The following FOXP1 variants were observed in gnomAD, a reference collection of about 807,000 sequenced individuals.
The protein encoded by FOXP1 is forkhead box protein P1.
Under a neutral mutation model 98.2 loss-of-function variants are expected in FOXP1, and 15 were observed. That is an observed-to-expected ratio of 0.15 (90% CI 0.10 to 0.24). The LOEUF (loss-of-function observed/expected upper bound fraction) is 0.24, where lower values mean the gene tolerates loss of function less well. Among genes scored for constraint, FOXP1 ranks in the 10% least tolerant of loss-of-function variants. FOXP1 has a pLI of 1.00. For synonymous variants in FOXP1, 371 were observed against 314.5 expected (o/e 1.18, Z -1.90); for missense variants, 633 against 848.5 (o/e 0.75, Z 3.15).
intron 5 of FOXP1, among the ~76,000 whole-genome samples, chr3:71,201,178 G>T (rs755729916): frequency 6.6e-6 from 1 of 152,040 alleles, no homozygotes; most frequent in Non-Finnish European, 1.5e-5. Context: ...AGAGTAAAGC[G>T]TCTATCAAAA....
At chr3:71,348,067 A>C (rs2077485373) in intron 4 of FOXP1, among the ~76,000 whole-genome samples, 1 of 152,178 alleles carries the variant, frequency 6.6e-6, no homozygotes, top group Non-Finnish European at 1.5e-5. Context: ...ATGATAACAA[A>C]TAACATAGGA....
chr3:71,188,458 A>C (rs1251218759), intron 6 of FOXP1, among the ~76,000 whole-genome samples: 2 of 146,286 alleles, frequency 1.4e-5, no homozygotes, highest in Admixed American at 7.1e-5. Flanking sequence ...CTTGTAGCCC[A>C]GGCTGGAGTG....
At chr3:71,223,152 T>A (rs577040463) in intron 5 of FOXP1, among the ~76,000 whole-genome samples, 2 of 152,174 alleles carry the variant, frequency 1.3e-5, no homozygotes, top group Admixed American at 6.5e-5. Context: ...AGCTCCCCCA[T>A]TCTAAAAAGA....
chr3:71,142,842 C>G (rs1004743433), intron 6 of FOXP1, among the ~76,000 whole-genome samples: 4 of 152,142 alleles, frequency 2.6e-5, no homozygotes, highest in Non-Finnish European at 4.4e-5. Context: ...AAAACTAACA[C>G]ACGCAGAAAA....
At chr3:71,453,400 T>C (rs1382734859) in intron 3 of FOXP1, among the ~76,000 whole-genome samples, 1 of 152,164 alleles carries the variant, frequency 6.6e-6, no homozygotes, top group Non-Finnish European at 1.5e-5. Flanking sequence ...GAATGATATA[T>C]GCACATGAAT....
chr3:71,073,285 A>G (rs954135216), intron 7 of FOXP1, among the ~76,000 whole-genome samples: 2 of 152,158 alleles, frequency 1.3e-5, no homozygotes, highest in South Asian at 4.1e-4. Context: ...CACCCATCCC[A>G]CTGGGCTACT....
chr3:71,458,786 G>A (rs536523748), intron 3 of FOXP1, among the ~76,000 whole-genome samples: 64 of 152,212 alleles, frequency 4.2e-4, no homozygotes, highest in Middle Eastern at 3.4e-3. Flanking sequence ...AATTACACAG[G>A]TATAATTATT....
At chr3:71,004,302 A>G (rs2042488696) in intron 12 of FOXP1, among the ~76,000 whole-genome samples, 1 of 152,066 alleles carries the variant, frequency 6.6e-6, no homozygotes, top group South Asian at 2.1e-4. Flanking sequence ...CAAGGAGATT[A>G]GTAAAAAAAA....
At chr3:71,031,565 A>C (rs1280189622) in intron 11 of FOXP1, among the ~76,000 whole-genome samples, 1 of 152,164 alleles carries the variant, frequency 6.6e-6, no homozygotes, top group Non-Finnish European at 1.5e-5. Flanking sequence ...GATTCTTTGC[A>C]CTTCTCACAC....
intron 4 of FOXP1, among the ~76,000 whole-genome samples, chr3:71,321,838 G>C (rs1004780773): frequency 6.6e-6 from 1 of 152,046 alleles, no homozygotes; most frequent in Non-Finnish European, 1.5e-5. Flanking sequence ...AGCCAGGATG[G>C]TCTTGATCTC....
intron 3 of FOXP1, among the ~76,000 whole-genome samples, chr3:71,397,016 A>ACATACATATATATGTG (rs2081500347): frequency 1.2e-5 from 1 of 83,462 alleles, no homozygotes; most frequent in Non-Finnish European, 2.4e-5. Context: ...GTGTATATAT[A>ACATACATATATATGTG]TATATATACA....
intron 3 of FOXP1, among the ~76,000 whole-genome samples, chr3:71,372,396 A>G (rs1054112409): frequency 6.6e-6 from 1 of 152,094 alleles, no homozygotes; most frequent in Admixed American, 6.5e-5. Context: ...AGGCTTTCCC[A>G]AGGTCTGTGC....
chr3:71,474,475 C>T (rs1237944650), intron 3 of FOXP1, among the ~76,000 whole-genome samples: 2 of 152,164 alleles, frequency 1.3e-5, no homozygotes, highest in African/African-American at 4.8e-5. Context: ...CTGTTAGAAG[C>T]CAGGCTGCAC....
intron 12 of FOXP1, among the ~76,000 whole-genome samples, chr3:71,015,346 G>A (rs2044304416): frequency 6.6e-6 from 1 of 151,928 alleles, no homozygotes; most frequent in African/African-American, 2.4e-5. Flanking sequence ...GCCTTTGAAT[G>A]TAAGCCTTTT....
intron 5 of FOXP1, among the ~76,000 whole-genome samples, chr3:71,213,299 G>A (rs928164194): frequency 6.6e-6 from 1 of 152,182 alleles, no homozygotes; most frequent in Non-Finnish European, 1.5e-5. Flanking sequence ...AAAGGATTCA[G>A]GACAAACTAC....
At chr3:71,286,009 TAA>T (rs1017712249) in intron 5 of FOXP1, among the ~76,000 whole-genome samples, 4 of 152,224 alleles carry the variant, frequency 2.6e-5, no homozygotes, top group Non-Finnish European at 5.9e-5. Flanking sequence ...TGTGCCAACA[TAA>T]GAGTGTACTT....
intron 5 of FOXP1, among the ~76,000 whole-genome samples, chr3:71,218,827 G>A (rs897929142): frequency 7.2e-5 from 11 of 152,120 alleles, no homozygotes; most frequent in Non-Finnish European, 1.3e-4. Context: ...AGTCCTTAAC[G>A]TTTCTGTGGC....
intron 3 of FOXP1, among the ~76,000 whole-genome samples, chr3:71,447,791 G>C (rs889766040): frequency 1.3e-5 from 2 of 152,058 alleles, no homozygotes; most frequent in African/African-American, 4.8e-5. Context: ...AGGGGGAGAG[G>C]GGTTTGGATA....
chr3:71,467,708 C>T (rs944700616), intron 3 of FOXP1, among the ~76,000 whole-genome samples: 3 of 152,186 alleles, frequency 2.0e-5, no homozygotes, highest in Non-Finnish European at 2.9e-5. Flanking sequence ...TATTACTATG[C>T]TAATCTTCTA....
Sources: allele counts gnomAD v4.1 joint callset (sites outside exome capture counted in the v4.1 genomes callset), GRCh38; gene constraint gnomAD v4.1.1; transcripts MANE v1.5; gene names NCBI Gene and HGNC (gene_info 2026-07-23, HGNC 2026-07-21).